Variants in PACSIN1 observed in about 807,000 individuals in gnomAD.
PACSIN1 encodes protein kinase C and casein kinase substrate in neurons protein 1.
In PACSIN1, 15 loss-of-function variants were observed where a neutral mutation model predicts 59.5. The observed-to-expected ratio is 0.25, with a 90% CI of 0.17 to 0.39. The LOEUF (loss-of-function observed/expected upper bound fraction) is 0.39, where lower values mean the gene tolerates loss of function less well. Ranked by LOEUF, PACSIN1 falls within the 10% of genes least tolerant of loss-of-function variation. The probability of loss-of-function intolerance (pLI) is 1.00; values close to 1 mark genes in which losing one functional copy is unlikely to be tolerated. For missense variants in PACSIN1, 420 were observed against 580.2 expected (o/e 0.72, Z 2.84); for synonymous variants, 210 against 220.6 (o/e 0.95, Z 0.42).
intron 1 of PACSIN1, among the ~76,000 whole-genome samples, chr6:34,492,526 G>C (rs979998169): frequency 1.3e-5 from 2 of 152,136 alleles, no homozygotes; most frequent in East Asian, 3.8e-4. Flanking sequence ...TGGGATTACA[G>C]GCACGTGCTA....
At chr6:34,508,504 C>G (rs1025881057) in intron 1 of PACSIN1, among the ~76,000 whole-genome samples, 20 of 152,244 alleles carry the variant, frequency 1.3e-4, no homozygotes, top group African/African-American at 4.3e-4. Context: ...TGAGCTCAAG[C>G]AATCCTCTTG....
intron 1 of PACSIN1, among the ~76,000 whole-genome samples, chr6:34,482,774 C>G (rs1196495560): frequency 6.6e-6 from 1 of 151,614 alleles, no homozygotes; most frequent in Non-Finnish European, 1.5e-5. Flanking sequence ...TCCCCACCTC[C>G]CGGGTTCAAT....
chr6:34,517,076 C>G (rs560268443), intron 1 of PACSIN1, among the ~76,000 whole-genome samples: 27 of 152,310 alleles, frequency 1.8e-4, no homozygotes, highest in African/African-American at 6.3e-4. Context: ...TCCCATCCCC[C>G]CAACGCCGTT....
intron 1 of PACSIN1, among the ~76,000 whole-genome samples, chr6:34,477,333 A>C (rs1766652278): frequency 6.6e-6 from 1 of 152,098 alleles, no homozygotes; most frequent in Non-Finnish European, 1.5e-5. Context: ...TCTATTTAAA[A>C]AAAAAAGAAA....
chr6:34,510,156 T>C (rs984865514), intron 1 of PACSIN1, among the ~76,000 whole-genome samples: 1 of 152,394 alleles, frequency 6.6e-6, no homozygotes. Flanking sequence ...GAAGCTTCTA[T>C]GAACATTCTT....
chr6:34,496,591 C>T (rs1766951009), intron 1 of PACSIN1, among the ~76,000 whole-genome samples: 1 of 152,238 alleles, frequency 6.6e-6, no homozygotes, highest in Admixed American at 6.5e-5. Context: ...AGGCTGAGGC[C>T]GTGGCTTGTC....
rs150326160 is a variant in PACSIN1 at position 34,520,195 on chromosome 6, C to T, written c.-63-6048C>T. Among the ~76,000 whole-genome samples the T allele has an allele frequency of 5.9e-5, 9 of 152,246 alleles. No homozygotes were observed. The East Asian group carries it at 1.7e-3, about 29-fold the overall frequency. On this transcript the variant is annotated intron_variant, in intron 1 of 9. Coordinates refer to ENST00000244458, the MANE Select transcript of PACSIN1 (RefSeq NM_020804.5). ...TGCATCTCAGCTGACTCAAATCCTC[C>T]CCGCTGCATTGGGAGCCCCAGCAGA...
intron 1 of PACSIN1, among the ~76,000 whole-genome samples, chr6:34,495,837 TC>T (rs1406052050): frequency 6.6e-6 from 1 of 152,178 alleles, no homozygotes; most frequent in Non-Finnish European, 1.5e-5. Context: ...TGTGTTTCCA[TC>T]TCCCCCGTTT....
chr6:34,525,997 GCT>G lies in PACSIN1; in HGVS notation c.-63-244_-63-243del, dbSNP rs1404047801. Among the ~76,000 whole-genome samples the G allele has an allele frequency of 6.6e-6, 1 of 152,050 alleles. No individual in the cohort carries two copies. The highest frequency in any genetic ancestry group is 1.5e-5 in the Non-Finnish European group (1 of 67,990). On this transcript the variant is annotated intron_variant, in intron 1 of 9. Transcript: ENST00000244458. The surrounding 1 kb of genome is among the most constrained non-coding windows in gnomAD (Gnocchi z 4.9). ...CTGGGGCTGGCTTCTGAACGGAGGT[GCT>G]CATACTGGATAGAGGATGGATTCCA...
rs529601306 is a variant in PACSIN1, at chr6:34,515,983, G to A, written c.-63-10260G>A. 3.3e-5 allele frequency among the ~76,000 whole-genome samples: 5 copies of A among 152,264 alleles called. No homozygotes were observed. The highest frequency in any genetic ancestry group is 4.1e-4 in the South Asian group (2 of 4,820). On this transcript the variant is annotated intron_variant, in intron 1 of 9. Coordinates refer to ENST00000244458, the MANE Select transcript of PACSIN1 (RefSeq NM_020804.5). The surrounding 1 kb of genome is among the most constrained non-coding windows in gnomAD (Gnocchi z 4.4). ...CTGGAGGGGGCCCACAGGAGTTCACGGTGGGGCACACCTGGTCCAGTTTTG... is the reference window on the plus strand; with the variant it reads ...CTGGAGGGGGCCCACAGGAGTTCACAGTGGGGCACACCTGGTCCAGTTTTG...
chr6:34,495,141 G>C (rs1471529820), intron 1 of PACSIN1, among the ~76,000 whole-genome samples: 1 of 152,114 alleles, frequency 6.6e-6, no homozygotes, highest in African/African-American at 2.4e-5. Flanking sequence ...TCTCAGCTAG[G>C]CATTAGGCAA....
intron 1 of PACSIN1, among the ~76,000 whole-genome samples, chr6:34,523,816 G>T (rs1046556917): frequency 1.3e-5 from 2 of 152,214 alleles, no homozygotes; most frequent in Non-Finnish European, 2.9e-5. Flanking sequence ...GGGAAGGTGT[G>T]TCTAGCCACA....
chr6:34,476,857 G>A (rs1163013466), intron 1 of PACSIN1, among the ~76,000 whole-genome samples: 2 of 152,208 alleles, frequency 1.3e-5, no homozygotes, highest in African/African-American at 2.4e-5. Context: ...CTGACAGGGA[G>A]CAACCAAATC....
rs529142850 is a variant in PACSIN1, at chr6:34,495,763, A to AT, written c.-64+29499dup. On this transcript the variant is annotated intron_variant, in intron 1 of 9. Transcript: ENST00000244458. Reference sequence around the variant, plus strand: ...CCACCGTGCCCAGCCAGGAATGTGTATTTTTTAAAGGATATTTTGTTGCAC... The same window carrying AT: ...CCACCGTGCCCAGCCAGGAATGTGTATTTTTTTAAAGGATATTTTGTTGCAC... Among the ~76,000 whole-genome samples the AT allele has an allele frequency of 1.3e-3, 191 of 152,190 alleles. 4 individuals are homozygous for AT. The highest frequency in any genetic ancestry group is 1.3e-4 in the Non-Finnish European group (9 of 68,002).
chr6:34,512,125 G>A (rs1275728837), intron 1 of PACSIN1, among the ~76,000 whole-genome samples: 6 of 152,032 alleles, frequency 3.9e-5, no homozygotes, highest in South Asian at 4.1e-4. Context: ...CTGTGCCAGC[G>A]TGGGACCTGC....
rs371958439 is a variant in PACSIN1 at position 34,514,061 on chromosome 6, CGT to C, written c.-63-12171_-63-12170del. ...TATGCTGATATTAGTGTCACAGTTA[CGT>C]GTGTGTGTGTTATAGGTGCACTGTA... On this transcript the variant is annotated intron_variant, in intron 1 of 9. Coordinates refer to ENST00000244458, the MANE Select transcript of PACSIN1 (RefSeq NM_020804.5). The surrounding 1 kb of genome is among the most constrained non-coding windows in gnomAD (Gnocchi z 4.4). 5.3e-5 allele frequency among the ~76,000 whole-genome samples: 8 copies of C among 152,216 alleles called. No homozygotes were observed. In the East Asian group the frequency reaches 1.5e-3, roughly 29 times the overall value.
Position 34,534,255 on chromosome 6 carries a change from G to C in PACSIN1, c.*1725G>C, listed in dbSNP as rs1767654019. ...TCTTCATGTGGGCACAGAGGGTCCTGACACTCTGGCAGGGCCTGAGCTGGG... is the reference window on the plus strand; with the variant it reads ...TCTTCATGTGGGCACAGAGGGTCCTCACACTCTGGCAGGGCCTGAGCTGGG... On this transcript the variant is annotated 3_prime_UTR_variant, in exon 10 of 10. Transcript: ENST00000244458. 1 of 152,352 alleles carries C rather than the reference G, an allele frequency of 6.6e-6. No individual in the cohort carries two copies. Among genetic ancestry groups the C allele is most frequent in the African/African-American group, 2.4e-5 (1 of 41,446 alleles). The allele number at this position is 152,352 out of a possible 1,614,324, so 9.4% of individuals were successfully genotyped here.
intron 1 of PACSIN1, among the ~76,000 whole-genome samples, chr6:34,512,073 G>T (rs1317402048): frequency 6.6e-6 from 1 of 151,698 alleles, no homozygotes; most frequent in African/African-American, 2.4e-5. Flanking sequence ...GTGTGTGTAT[G>T]TGTGTGCCTG....
At chr6:34,466,592 C>T (rs566298833) in intron 1 of PACSIN1, among the ~76,000 whole-genome samples, 8 of 152,188 alleles carry the variant, frequency 5.3e-5, no homozygotes, top group Non-Finnish European at 1.0e-4. Flanking sequence ...CCCGGGCGGT[C>T]CGGGTCTCTG....
Sources: allele counts gnomAD v4.1 joint callset (sites outside exome capture counted in the v4.1 genomes callset), GRCh38; gene constraint gnomAD v4.1.1; non-coding constraint Gnocchi (gnomAD v3.1); transcripts MANE v1.5; gene names NCBI Gene and HGNC (gene_info 2026-07-23, HGNC 2026-07-21).